Variants in CCDC88A observed in about 807,000 individuals in gnomAD.
CCDC88A encodes the protein girdin.
A neutral mutation model predicts 234.3 loss-of-function variants in CCDC88A; 54 were observed. The observed-to-expected ratio is 0.23, with a 90% CI of 0.19 to 0.29. The LOEUF is 0.29. CCDC88A is among the 10% of genes least tolerant of loss of function. The pLI is 1.00. For missense variants in CCDC88A, 1,832 were observed against 2,123.4 expected (o/e 0.86, Z 2.70); for synonymous variants, 753 against 737.8 (o/e 1.02, Z -0.33).
chr2:55,343,554 A>C, intron 12 of CCDC88A, 94 bp downstream of exon 12: 1 of 907,630 alleles, frequency 1.1e-6, no homozygotes, highest in Non-Finnish European at 1.7e-6. Flanking sequence ...GTCTTCTGAG[A>C]TATCTCCCAC....
chr2:55,362,297 A>G lies in CCDC88A; in HGVS notation c.627+11T>C. 1 of 1,555,284 alleles carries G rather than the reference A, an allele frequency of 6.4e-7. No individual in the cohort carries two copies. Among genetic ancestry groups the G allele is most frequent in the Non-Finnish European group, 8.6e-7 (1 of 1,158,516 alleles). Reference sequence around the variant, plus strand: ...CAAACTTTCACAATATACTGAAAGAATTTTACAAACCTCTGAATGTTCATC... The same window carrying G: ...CAAACTTTCACAATATACTGAAAGAGTTTTACAAACCTCTGAATGTTCATC... On this transcript the variant is annotated intron_variant, in intron 7 of 32. Coordinates refer to ENST00000436346, the MANE Select transcript of CCDC88A (RefSeq NM_001365480.1).
At chr2:55,390,046 A>AC (rs1676367551) in intron 2 of CCDC88A, among the ~76,000 whole-genome samples, 1 of 143,414 alleles carries the variant, frequency 7.0e-6, no homozygotes, top group Non-Finnish European at 1.5e-5. Flanking sequence ...AAAAAAAAAA[A>AC]AAATAAAAAA....
intron 3 of CCDC88A, among the ~76,000 whole-genome samples, chr2:55,377,775 A>G (rs1574357609): frequency 1.3e-5 from 2 of 151,264 alleles, no homozygotes; most frequent in South Asian, 4.2e-4. Flanking sequence ...ATGCCTGGCT[A>G]ATTTTTGTAT....
At chr2:55,361,041 A>G (rs1438688933) in intron 7 of CCDC88A, among the ~76,000 whole-genome samples, 1 of 152,156 alleles carries the variant, frequency 6.6e-6, no homozygotes, top group Non-Finnish European at 1.5e-5. Flanking sequence ...AGCCGAGACC[A>G]CACCACTGCA....
chr2:55,414,222 T>C (rs1391699308), intron 2 of CCDC88A, among the ~76,000 whole-genome samples: 2 of 152,208 alleles, frequency 1.3e-5, no homozygotes, highest in East Asian at 1.9e-4. Context: ...TTGGGTAATA[T>C]GAATTGGACG....
intron 3 of CCDC88A, among the ~76,000 whole-genome samples, chr2:55,379,884 G>A (rs1366724801): frequency 2.6e-5 from 4 of 151,744 alleles, no homozygotes; most frequent in African/African-American, 9.7e-5. Context: ...TCGCACTCCA[G>A]CCAAGGCAAC....
chr2:55,334,472 C>T lies in CCDC88A; in HGVS notation c.2349G>A (p.Glu783=). The part of the protein sequence containing the change: ...ENSNKKIQQL[E]SELQDLEMEN... ...CCATCTCTAAGTCTTGTAGTTCACT[C>T]TCTAATTGCTGGATTTTTTTATTGC... The change falls in exon 15 of 33, where the codon GAG becomes GAA. Residue 783 remains glutamate (E), a synonymous_variant. Transcript: ENST00000436346. The surrounding 1 kb of genome is among the most constrained non-coding windows in gnomAD (Gnocchi z 6.1). 1.2e-6 allele frequency: 2 copies of T among 1,603,800 alleles called. No individual in the cohort carries two copies. Among genetic ancestry groups the T allele is most frequent in the Non-Finnish European group, 1.7e-6 (2 of 1,177,048 alleles).
intron 2 of CCDC88A, among the ~76,000 whole-genome samples, chr2:55,397,534 T>C (rs1677835660): frequency 6.6e-6 from 1 of 152,172 alleles, no homozygotes; most frequent in Admixed American, 6.5e-5. Flanking sequence ...ATTTGGATAA[T>C]CCAAATGCAT....
chr2:55,413,745 C>T lies in CCDC88A; in HGVS notation c.164+5071G>A, dbSNP rs117106559. Among the ~76,000 whole-genome samples, 108 of 151,902 alleles carry T rather than the reference C, an allele frequency of 7.1e-4. 2 individuals carry two copies. In the East Asian group the frequency reaches 0.018, roughly 25 times the overall value. The stretch of plus-strand genomic sequence containing the variant: ...CTTTGGGAGGCTGAGGTGGGTGGAT[C>T]GCTTGAGACCAGCCTGGGCAACACA... On this transcript the variant is annotated intron_variant, in intron 2 of 32. Transcript: ENST00000436346.
At position 55,334,148 on chromosome 2, in the gene CCDC88A, CTTA is replaced by C; in HGVS notation, c.2670_2672del (p.Asn890del). The C allele has an allele frequency of 1.5e-6, 2 of 1,344,290 alleles. No homozygotes were observed. The highest frequency in any genetic ancestry group is 1.9e-6 in the Non-Finnish European group (2 of 1,042,388). 83.3% of individuals were successfully genotyped at this position (1,344,290 alleles called of 1,614,324 possible). A position where few individuals can be genotyped will look rare whatever the true frequency, so the allele number is the denominator to read the frequency against. On this transcript the variant is annotated inframe_deletion, in exon 15 of 33. Coordinates refer to ENST00000436346, the MANE Select transcript of CCDC88A (RefSeq NM_001365480.1). The surrounding 1 kb of genome is among the most constrained non-coding windows in gnomAD (Gnocchi z 6.1). ...CAATAGTTGCTCTTTTCACAAGCTC[CTTA>C]TTTTCTTTTTCTAGTTCTTTCAGAC...
In CCDC88A at chr2:55,359,642, TA is replaced by T. The variant is rs528881865; in HGVS notation, c.627+2665del. Among the ~76,000 whole-genome samples the T allele has an allele frequency of 1.8e-3, 264 of 150,702 alleles. 1 individual carries two copies. The highest frequency in any genetic ancestry group is 5.9e-3 in the African/African-American group (245 of 41,246). On this transcript the variant is annotated intron_variant, in intron 7 of 32. Transcript: ENST00000436346. ...ATACTATATGCTATAGGAATATATA[TA>T]AAAAATGATATATATCATTTTTGTA... is the stretch of plus-strand genomic sequence containing the variant.
intron 4 of CCDC88A, among the ~76,000 whole-genome samples, chr2:55,373,359 C>A (rs1673116277): frequency 6.6e-6 from 1 of 152,160 alleles, no homozygotes; most frequent in Admixed American, 6.6e-5. Flanking sequence ...CCCCAACCTC[C>A]TCATCCCCCT....
chr2:55,308,003 G>C (rs1347613932), intron 25 of CCDC88A: 1 of 120,456 alleles, frequency 8.3e-6, no homozygotes, highest in African/African-American at 3.3e-5. Flanking sequence ...TTGAGATGGA[G>C]TTTCACTCTT....
chr2:55,358,668 C>T (rs926930210), intron 7 of CCDC88A, among the ~76,000 whole-genome samples: 9 of 152,056 alleles, frequency 5.9e-5, no homozygotes, highest in Non-Finnish European at 1.0e-4. Context: ...TATTCTTATG[C>T]ATTTTTTTGC....
chr2:55,363,250 C>G (rs185285313), intron 6 of CCDC88A, among the ~76,000 whole-genome samples: 1 of 151,730 alleles, frequency 6.6e-6, no homozygotes, highest in Non-Finnish European at 1.5e-5. Flanking sequence ...AAAAGATGTC[C>G]TATGGAACAC....
At chr2:55,297,356 AAT>A (rs1256533819) in intron 29 of CCDC88A, among the ~76,000 whole-genome samples, 1 of 93,642 alleles carries the variant, frequency 1.1e-5, no homozygotes, top group African/African-American at 6.3e-5. Context: ...ATTATATATA[AAT>A]ATATATAATA....
chr2:55,338,097 CA>C (rs1360064804), intron 13 of CCDC88A, among the ~76,000 whole-genome samples: 1 of 152,064 alleles, frequency 6.6e-6, no homozygotes, highest in African/African-American at 2.4e-5. Context: ...TACAATTAAT[CA>C]AAAATTGCTT....
At chr2:55,354,121 G>A (rs1003343351) in intron 8 of CCDC88A, among the ~76,000 whole-genome samples, 4 of 150,032 alleles carry the variant, frequency 2.7e-5, no homozygotes, top group Admixed American at 6.7e-5. Flanking sequence ...TAAAAATAAG[G>A]TATAAAAGAT....
intron 5 of CCDC88A, among the ~76,000 whole-genome samples, chr2:55,370,963 G>A (rs985751622): frequency 6.6e-6 from 1 of 152,022 alleles, no homozygotes; most frequent in African/African-American, 2.4e-5. Context: ...AGTGAGAGGC[G>A]TGATCATGAC....
Sources: gnomAD v4.1 joint callset for allele counts (sites outside exome capture counted in the v4.1 genomes callset) on GRCh38, gnomAD v4.1.1 for gene constraint, Gnocchi (gnomAD v3.1) non-coding constraint, MANE v1.5 for transcripts, NCBI Gene and HGNC (gene_info 2026-07-23, HGNC 2026-07-21) for gene names.